RBM20: variants seen among roughly 807,000 people sequenced by gnomAD.
RBM20 encodes RNA binding motif protein 20.
Under a neutral mutation model 110.1 loss-of-function variants are expected in RBM20, and 51 were observed. The observed-to-expected ratio is 0.46, with a 90% CI of 0.37 to 0.59. The LOEUF is 0.59. Ranked by LOEUF, RBM20 falls within the 20% of genes least tolerant of loss-of-function variation. The pLI is 0.00. For missense variants in RBM20, 1,512 were observed against 1,574.9 expected (o/e 0.96, Z 0.68); for synonymous variants, 589 against 618.2 (o/e 0.95, Z 0.70).
At chr10:110,802,193 A>G (rs1248029519) in intron 7 of RBM20, among the ~76,000 whole-genome samples, 1 of 152,154 alleles carries the variant, frequency 6.6e-6, no homozygotes, top group Non-Finnish European at 1.5e-5. Flanking sequence ...ACAGGCCTTA[A>G]TCCACCTTCA....
At chr10:110,709,562 CTTTTT>C (rs10713170) in intron 1 of RBM20, among the ~76,000 whole-genome samples, 1 of 135,466 alleles carries the variant, frequency 7.4e-6, no homozygotes, top group African/African-American at 2.7e-5. Context: ...GTGATAATTT[CTTTTT>C]TTTTTTTTTT....
chr10:110,643,772 A>T (rs1861822180), upstream of RBM20, among the ~76,000 whole-genome samples: 1 of 152,188 alleles, frequency 6.6e-6, no homozygotes, highest in African/African-American at 2.4e-5. Flanking sequence ...TTACAATACA[A>T]GTCTGACCTC....
At chr10:110,773,809 G>C (rs1422023473) in intron 1 of RBM20, among the ~76,000 whole-genome samples, 1 of 152,166 alleles carries the variant, frequency 6.6e-6, no homozygotes, top group African/African-American at 2.4e-5. Context: ...AAACCCACCA[G>C]CTGCCCCATT....
intron 1 of RBM20, among the ~76,000 whole-genome samples, chr10:110,647,303 T>C (rs935058162): frequency 1.3e-5 from 2 of 152,226 alleles, no homozygotes; most frequent in African/African-American, 4.8e-5. Context: ...CCAGTCTTAG[T>C]ACTTATGAAG....
At position 110,795,048 on chromosome 10, in the gene RBM20, A is replaced by G. The variant is rs534600820; in HGVS notation, c.1528-2460A>G. ...TGGGTGTCTGCTCCATTGTCCAAGC[A>G]CACATTAGCACAGGCCAACCACAGC... On this transcript the variant is annotated intron_variant, in intron 5 of 13. Transcript: ENST00000369519. 4.6e-5 allele frequency among the ~76,000 whole-genome samples: 7 copies of G among 152,332 alleles called. No homozygotes were observed. In the South Asian group the frequency reaches 1.0e-3, roughly 23 times the overall value.
chr10:110,728,388 G>A (rs1186196137), intron 1 of RBM20, among the ~76,000 whole-genome samples: 1 of 152,160 alleles, frequency 6.6e-6, no homozygotes, highest in Non-Finnish European at 1.5e-5. Context: ...AGGGTTTAGA[G>A]GTTACCTCTC....
At chr10:110,824,755 C>T (rs1001002795) in intron 12 of RBM20, among the ~76,000 whole-genome samples, 3 of 152,178 alleles carry the variant, frequency 2.0e-5, no homozygotes, top group Non-Finnish European at 4.4e-5. Context: ...TGAGTCCCCT[C>T]GCATTAGCTC....
At chr10:110,827,997 A>T (rs1845003829) in intron 12 of RBM20, 1 of 152,146 alleles carries the variant, frequency 6.6e-6, no homozygotes, top group South Asian at 2.1e-4. Context: ...GGGGAAGTAC[A>T]CTGCACTCTG....
chr10:110,737,782 T>C (rs377318580), intron 1 of RBM20, among the ~76,000 whole-genome samples: 1 of 152,372 alleles, frequency 6.6e-6, no homozygotes, highest in South Asian at 2.1e-4. Flanking sequence ...ATTACAGGAA[T>C]ACACCACTAT....
intron 1 of RBM20, among the ~76,000 whole-genome samples, chr10:110,687,407 A>G (rs1862521303): frequency 6.6e-6 from 1 of 152,236 alleles, no homozygotes; most frequent in Non-Finnish European, 1.5e-5. Flanking sequence ...ATTTATGGTC[A>G]TTGATGATTT....
intron 1 of RBM20, among the ~76,000 whole-genome samples, chr10:110,776,155 G>C (rs899056584): frequency 6.6e-6 from 1 of 152,154 alleles, no homozygotes; most frequent in South Asian, 2.1e-4. Flanking sequence ...TGCAGAATTG[G>C]CCCCTGACTA....
rs553543659 is a variant in RBM20, at chr10:110,694,289, C to T, written c.191+49644C>T. 5.3e-5 allele frequency among the ~76,000 whole-genome samples: 8 copies of T among 152,304 alleles called. No individual in the cohort carries two copies. In the South Asian group the frequency reaches 1.7e-3, roughly 32 times the overall value. On this transcript the variant is annotated intron_variant, in intron 1 of 13. Transcript: ENST00000369519. ...AAAGCCAAAAGGCAGCCTTGATCCC[C>T]CAAAAGAAATTGATTCTGTAACCCA...
At chr10:110,830,877 CTCTT>C (rs1331729409) in intron 12 of RBM20, among the ~76,000 whole-genome samples, 180 bp from the exon 13 acceptor site, 1 of 152,088 alleles carries the variant, frequency 6.6e-6, no homozygotes, top group African/African-American at 2.4e-5. Flanking sequence ...GGGTGTGAGT[CTCTT>C]TGTGACTGTT....
At chr10:110,763,628 T>TA (rs894918095) in intron 1 of RBM20, among the ~76,000 whole-genome samples, 3 of 151,362 alleles carry the variant, frequency 2.0e-5, no homozygotes, top group East Asian at 1.9e-4. Flanking sequence ...AGGAGAAAAG[T>TA]AAAAAAAAGT....
In RBM20 at chr10:110,707,431, A is replaced by G. The variant is rs1175705223; in HGVS notation, c.191+62786A>G. On this transcript the variant is annotated intron_variant, in intron 1 of 13. Coordinates refer to ENST00000369519, the MANE Select transcript of RBM20 (RefSeq NM_001134363.3). ...TCAAGATCAAGCTAAAATACACTTT[A>G]AAAAAATGTTTTTTCTGGTTTTATT... is the stretch of plus-strand genomic sequence containing the variant. 2.6e-5 allele frequency among the ~76,000 whole-genome samples: 4 copies of G among 152,134 alleles called. No homozygotes were observed. The South Asian group carries it at 8.3e-4, about 31-fold the overall frequency.
chr10:110,732,668 C>T (rs1024020053), intron 1 of RBM20, among the ~76,000 whole-genome samples: 5 of 152,216 alleles, frequency 3.3e-5, no homozygotes, highest in African/African-American at 7.2e-5. Flanking sequence ...GCCGTTCACA[C>T]GCACCCCATC....
chr10:110,654,989 G>A (rs889250656), intron 1 of RBM20, among the ~76,000 whole-genome samples: 8 of 152,184 alleles, frequency 5.3e-5, no homozygotes, highest in Admixed American at 2.6e-4. Flanking sequence ...CCATCATGCA[G>A]ATGAGGAAAC....
At chr10:110,706,110 C>T (rs1862834566) in intron 1 of RBM20, among the ~76,000 whole-genome samples, 1 of 151,918 alleles carries the variant, frequency 6.6e-6, no homozygotes. Flanking sequence ...AAAAGAACTG[C>T]TGATGCAGAT....
intron 9 of RBM20, among the ~76,000 whole-genome samples, chr10:110,818,445 C>T (rs890603054): frequency 2.0e-5 from 3 of 150,594 alleles, no homozygotes; most frequent in South Asian, 2.2e-4. Flanking sequence ...TTCGGTAGCC[C>T]GGGCCCTGTG....
Sources: allele counts gnomAD v4.1 joint callset (sites outside exome capture counted in the v4.1 genomes callset), GRCh38; gene constraint gnomAD v4.1.1; transcripts MANE v1.5; gene names NCBI Gene and HGNC (gene_info 2026-07-23, HGNC 2026-07-21).